CDH2: variants seen among roughly 807,000 people sequenced by gnomAD.
CDH2 encodes cadherin-2.
CDH2 carries 17 observed loss-of-function variants against 92.0 expected under a neutral mutation model. The observed-to-expected ratio is 0.18, with a 90% CI of 0.13 to 0.28. The LOEUF is 0.28. Ranked by LOEUF, CDH2 falls within the 10% of genes least tolerant of loss-of-function variation. CDH2 has a pLI of 1.00. For missense variants in CDH2, 862 were observed against 1,133.1 expected, an observed-to-expected ratio of 0.76 and a Z score of 3.44; for synonymous variants, 419 against 415.9, an observed-to-expected ratio of 1.01 and a Z score of -0.09.
chr18:28,010,943 T>C (rs2013081142), intron 4 of CDH2, among the ~76,000 whole-genome samples: 1 of 151,696 alleles, frequency 6.6e-6, no homozygotes, highest in Non-Finnish European at 1.5e-5. Flanking sequence ...CTGCCTGTTT[T>C]TTTTTTTTTT....
chr18:28,014,920 T>C (rs936031769), intron 2 of CDH2, among the ~76,000 whole-genome samples: 1 of 152,172 alleles, frequency 6.6e-6, no homozygotes, highest in South Asian at 2.1e-4. Context: ...TGAAGAAAAA[T>C]TCTATGGGAA....
intron 1 of CDH2, among the ~76,000 whole-genome samples, chr18:28,149,083 C>T (rs532424071): frequency 6.6e-6 from 1 of 152,228 alleles, no homozygotes; most frequent in South Asian, 2.1e-4. Context: ...TAAAGAAGAA[C>T]CAGTCCCCTA....
Position 27,985,778 on chromosome 18 carries a change from A to T in CDH2, c.1742-17T>A, listed in dbSNP as rs751813133. ...GAGGAATTCCTGAAAAGAGAGAAAA[A>T]TCACAAATGATGCTGAACAGTTCTC... is the stretch of plus-strand genomic sequence containing the variant. On this transcript the variant is annotated splice_polypyrimidine_tract_variant and intron_variant, in intron 11 of 15. Transcript: ENST00000269141. 2 of 1,406,952 alleles carry T rather than the reference A, an allele frequency of 1.4e-6. No individual in the cohort carries two copies. The highest frequency in any genetic ancestry group is 4.6e-5 in the East Asian group (2 of 43,858). 87.2% of individuals were successfully genotyped at this position (1,406,952 alleles called of 1,614,324 possible).
intron 6 of CDH2, among the ~76,000 whole-genome samples, chr18:27,945,252 T>C (rs895621585): frequency 1.3e-5 from 2 of 149,806 alleles, no homozygotes; most frequent in East Asian, 2.0e-4. Flanking sequence ...AAAAGAGAAG[T>C]GCTCTTGCTT....
intron 2 of CDH2, among the ~76,000 whole-genome samples, chr18:28,036,806 C>T (rs888943524): frequency 6.6e-6 from 1 of 152,160 alleles, no homozygotes; most frequent in African/African-American, 2.4e-5. Context: ...CTGAGCTCTA[C>T]TGGTCCTTTT....
At chr18:28,013,602 T>C in intron 3 of CDH2, 81 bp downstream of exon 3, 1 of 969,458 alleles carries the variant, frequency 1.0e-6, no homozygotes, top group Non-Finnish European at 1.7e-6. Flanking sequence ...ATTAATGTGG[T>C]CTGAAGCAAA....
chr18:28,097,332 A>T (rs1249825306), intron 2 of CDH2: 1 of 151,720 alleles, frequency 6.6e-6, no homozygotes, highest in African/African-American at 2.4e-5. Context: ...TGGTTACAAT[A>T]TTCCAAAGGA....
At chr18:28,174,824 T>C (rs1474817913) in intron 1 of CDH2, among the ~76,000 whole-genome samples, 1 of 152,176 alleles carries the variant, frequency 6.6e-6, no homozygotes, top group Non-Finnish European at 1.5e-5. Flanking sequence ...CACTTTTAGA[T>C]GAAAAAGTTT....
chr18:27,946,255 A>C (rs1909265775), downstream of CDH2, among the ~76,000 whole-genome samples: 1 of 152,138 alleles, frequency 6.6e-6, no homozygotes, highest in Non-Finnish European at 1.5e-5. Flanking sequence ...TAACCAAATG[A>C]ATAAATATTC....
At chr18:28,098,605 C>T (rs17494599) in intron 2 of CDH2, among the ~76,000 whole-genome samples, 7,825 of 151,954 alleles carry the variant, frequency 0.051, 703 homozygotes, top group African/African-American at 0.18. Context: ...TGAGGCACAT[C>T]CAGCCTTCCT....
chr18:28,066,244 T>C (rs2014504454), intron 2 of CDH2, among the ~76,000 whole-genome samples: 1 of 152,184 alleles, frequency 6.6e-6, no homozygotes, highest in Non-Finnish European at 1.5e-5. Flanking sequence ...AGCAGACACT[T>C]ACTAAATATA....
chr18:28,042,109 A>G (rs1350988511), intron 2 of CDH2, among the ~76,000 whole-genome samples: 1 of 152,070 alleles, frequency 6.6e-6, no homozygotes, highest in Non-Finnish European at 1.5e-5. Flanking sequence ...CATTTACACT[A>G]TGTATTTTTT....
At chr18:28,014,872 A>T (rs28460206) in intron 2 of CDH2, among the ~76,000 whole-genome samples, 4 of 152,198 alleles carry the variant, frequency 2.6e-5, no homozygotes, top group Admixed American at 2.6e-4. Flanking sequence ...ATATTCTCTA[A>T]GGAAGATTAT....
At chr18:28,164,402 C>G (rs1238905785) in intron 1 of CDH2, among the ~76,000 whole-genome samples, 2 of 152,008 alleles carry the variant, frequency 1.3e-5, no homozygotes, top group East Asian at 1.9e-4. Flanking sequence ...ATAGTAATTA[C>G]TAAAAAAATG....
chr18:28,089,751 T>C (rs2015002480), intron 2 of CDH2, among the ~76,000 whole-genome samples: 1 of 152,168 alleles, frequency 6.6e-6, no homozygotes, highest in African/African-American at 2.4e-5. Context: ...AATTCATAAT[T>C]AGTACTCTTT....
chr18:27,975,114 T>G (rs1273766134), intron 14 of CDH2, among the ~76,000 whole-genome samples: 3 of 152,120 alleles, frequency 2.0e-5, no homozygotes, highest in Non-Finnish European at 4.4e-5. Context: ...CTATATAGTG[T>G]TCTCTGAGCC....
chr18:28,019,247 T>C (rs1246759788), intron 2 of CDH2, among the ~76,000 whole-genome samples: 1 of 151,540 alleles, frequency 6.6e-6, no homozygotes, highest in Non-Finnish European at 1.5e-5. Flanking sequence ...ACTAAAAAAC[T>C]TATTCATGGA....
intron 10 of CDH2, among the ~76,000 whole-genome samples, chr18:27,988,976 A>C (rs1170060807): frequency 6.6e-6 from 1 of 152,230 alleles, no homozygotes; most frequent in Non-Finnish European, 1.5e-5. Flanking sequence ...ACTTCAACAG[A>C]TATCAATGGT....
intron 1 of CDH2, among the ~76,000 whole-genome samples, chr18:28,172,888 A>C (rs989305660): frequency 1.3e-5 from 2 of 152,142 alleles, no homozygotes; most frequent in African/African-American, 4.8e-5. Context: ...GAAGATGGGG[A>C]TTTTAATCAC....
Sources: allele counts gnomAD v4.1 joint callset (sites outside exome capture counted in the v4.1 genomes callset), GRCh38; gene constraint gnomAD v4.1.1; transcripts MANE v1.5; gene names NCBI Gene and HGNC (gene_info 2026-07-23, HGNC 2026-07-21).